Variants in PIK3R4 observed in about 807,000 individuals in gnomAD.
PIK3R4 encodes the protein phosphoinositide-3-kinase regulatory subunit 4, also known as phosphoinositide 3-kinase regulatory subunit 4.
In PIK3R4, 46 loss-of-function variants were observed where a neutral mutation model predicts 136.5. That is an observed-to-expected ratio of 0.34 (90% CI 0.27 to 0.43). PIK3R4 has a LOEUF of 0.43. Ranked by LOEUF, PIK3R4 falls within the 20% of genes least tolerant of loss-of-function variation. The pLI is 1.00. For missense variants in PIK3R4, 1,331 were observed against 1,649.5 expected (o/e 0.81, Z 3.35); for synonymous variants, 557 against 566.7 (o/e 0.98, Z 0.24).
At chr3:130,695,807 C>G (rs1047577373) in intron 13 of PIK3R4, among the ~76,000 whole-genome samples, 3 of 152,184 alleles carry the variant, frequency 2.0e-5, no homozygotes, top group African/African-American at 7.2e-5. Context: ...TGGTACTATC[C>G]GAGGTTTGGG....
chr3:130,741,687 T>C (rs993295167), intron 2 of PIK3R4, among the ~76,000 whole-genome samples: 1 of 152,098 alleles, frequency 6.6e-6, no homozygotes, highest in Admixed American at 6.5e-5. Flanking sequence ...CTATAACACA[T>C]CACTAACCAA....
Position 130,723,442 on chromosome 3 carries a change from G to A in PIK3R4, c.1953C>T (p.Pro651=). The change falls in exon 7 of 20, where the codon CCC becomes CCT. Residue 651 remains proline (P), a synonymous_variant. Coordinates refer to ENST00000356763, the MANE Select transcript of PIK3R4 (RefSeq NM_014602.3). ...CMCQLGLLQK[P]HVYEFASDIA... ...TATCACTGGCAAATTCGTAAACATGGGGTTTTTGTAGCAGTCCTAACTGGC... is the reference window on the plus strand; with the variant it reads ...TATCACTGGCAAATTCGTAAACATGAGGTTTTTGTAGCAGTCCTAACTGGC... 2 of 1,603,562 alleles carry A rather than the reference G, an allele frequency of 1.2e-6. No homozygotes were observed. The highest frequency in any genetic ancestry group is 1.7e-6 in the Non-Finnish European group (2 of 1,176,110).
intron 13 of PIK3R4, among the ~76,000 whole-genome samples, chr3:130,694,568 T>C (rs1355347191): frequency 6.6e-6 from 1 of 152,128 alleles, no homozygotes; most frequent in Non-Finnish European, 1.5e-5. Flanking sequence ...TAAATTCATG[T>C]TTGGACTATT....
intron 13 of PIK3R4, among the ~76,000 whole-genome samples, chr3:130,692,323 CA>C (rs889826492): frequency 2.6e-5 from 4 of 152,032 alleles, no homozygotes; most frequent in African/African-American, 9.7e-5. Flanking sequence ...TATAAGAAAT[CA>C]AAAAATAAGC....
intron 1 of PIK3R4, 139 bp from the exon 2 acceptor site, chr3:130,745,403 T>C (rs1280478530): frequency 2.0e-6 from 1 of 501,240 alleles, no homozygotes; most frequent in Non-Finnish European, 3.4e-6. Context: ...TACCTAGCCT[T>C]CTGGGGCAGC....
chr3:130,687,068 T>TG (rs1240995369), intron 14 of PIK3R4, among the ~76,000 whole-genome samples: 6 of 79,964 alleles, frequency 7.5e-5, no homozygotes, highest in Admixed American at 3.4e-4. Flanking sequence ...GTTTCAGATT[T>TG]GGGTTTTTTT....
chr3:130,726,842 C>A (rs1576461385), intron 6 of PIK3R4, among the ~76,000 whole-genome samples: 1 of 150,470 alleles, frequency 6.6e-6, no homozygotes, highest in Admixed American at 6.6e-5. Context: ...CGACTTTTCC[C>A]GAGAAAAGAA....
intron 8 of PIK3R4, 132 bp from the exon 9 acceptor site, chr3:130,716,731 G>C: frequency 1.6e-6 from 1 of 627,662 alleles, no homozygotes; most frequent in Non-Finnish European, 2.7e-6. Context: ...ATCTGTAAGT[G>C]TGTAGAAGAA....
intron 15 of PIK3R4, among the ~76,000 whole-genome samples, chr3:130,685,511 A>C (rs1343946856): frequency 1.3e-5 from 2 of 152,206 alleles, no homozygotes; most frequent in African/African-American, 2.4e-5. Context: ...CAGCAGGTTG[A>C]CTCTGAAAAG....
At chr3:130,724,527 T>C (rs553960533) in intron 6 of PIK3R4, among the ~76,000 whole-genome samples, 1 of 152,200 alleles carries the variant, frequency 6.6e-6, no homozygotes, top group South Asian at 2.1e-4. Flanking sequence ...ATAAAAGACT[T>C]CATTGTGTTA....
At chr3:130,684,661 T>G (rs2066479381) in intron 15 of PIK3R4, among the ~76,000 whole-genome samples, 1 of 152,230 alleles carries the variant, frequency 6.6e-6, no homozygotes, top group African/African-American at 2.4e-5. Flanking sequence ...TGTTATTAAT[T>G]GCCGAAGGCA....
intron 13 of PIK3R4, among the ~76,000 whole-genome samples, chr3:130,697,810 T>C (rs2066554759): frequency 6.6e-6 from 1 of 152,240 alleles, no homozygotes; most frequent in African/African-American, 2.4e-5. Context: ...ACTTATGTTA[T>C]CTTTACTGGT....
intron 9 of PIK3R4, among the ~76,000 whole-genome samples, chr3:130,714,792 G>A (rs997019809): frequency 6.6e-6 from 1 of 152,078 alleles, no homozygotes; most frequent in Admixed American, 6.5e-5. Context: ...TCCTTTTTAT[G>A]GCTGCATAGT....
rs1480557430 is a variant in PIK3R4, at chr3:130,679,353, T to C, written c.4039A>G (p.Thr1347Ala). ...TTCACAATCCCATCTCTAGAAGCAG[T>C]TACGATGAAGCCCTGTGTGGTCTGG... ...TFQTTQGFIV[T>A]ASRDGIVKVW... Residue 1347 changes from threonine to alanine, a missense_variant, in exon 20 of 20, where the codon ACT becomes GCT. Around this residue, in one of 2 missense-constraint regions of PIK3R4, gnomAD observed 1,180 missense variants for 1,407.0 expected, o/e 0.84. Transcript: ENST00000356763. 4.3e-6 allele frequency: 7 copies of C among 1,610,978 alleles called. No individual in the cohort carries two copies. The highest frequency in any genetic ancestry group is 5.9e-6 in the Non-Finnish European group (7 of 1,178,058).
chr3:130,697,364 C>T lies in PIK3R4; in HGVS notation c.3098+6359G>A, dbSNP rs750209091. 3.9e-5 allele frequency among the ~76,000 whole-genome samples: 6 copies of T among 152,250 alleles called. No individual in the cohort carries two copies. The East Asian group carries it at 5.8e-4, about 15-fold the overall frequency. ...TTGGGATTACAGGCATGAGCCACTG[C>T]GCATGGCCTAGCTCTTTCTTAGGTA... On this transcript the variant is annotated intron_variant, in intron 13 of 19. Transcript: ENST00000356763.
In PIK3R4 at chr3:130,735,924, T is replaced by A; in HGVS notation, c.812A>T (p.His271Leu). Reference protein sequence around the residue: ...LSQLLAYRNGHFFPEQVLNKI... With the variant: ...LSQLLAYRNGLFFPEQVLNKI... ...ATTTAGCACTTGTTCAGGGAAAAAATGTCCATTTCTATAAGCCAAAAGTTG... is the reference window on the plus strand; with the variant it reads ...ATTTAGCACTTGTTCAGGGAAAAAAAGTCCATTTCTATAAGCCAAAAGTTG... Residue 271 changes from histidine to leucine, a missense_variant, in exon 3 of 20, where the codon CAT becomes CTT. His to Leu is a moderately conservative substitution (Grantham distance 99, BLOSUM62 -3). Coordinates refer to ENST00000356763, the MANE Select transcript of PIK3R4 (RefSeq NM_014602.3). The A allele has an allele frequency of 6.2e-7, 1 of 1,612,762 alleles. No homozygotes were observed. The highest frequency in any genetic ancestry group is 8.5e-7 in the Non-Finnish European group (1 of 1,179,354).
chr3:130,706,887 C>T (rs1431391458), intron 11 of PIK3R4, 61 bp downstream of exon 11: 4 of 1,408,314 alleles, frequency 2.8e-6, no homozygotes, highest in Non-Finnish European at 3.8e-6. Flanking sequence ...CTTTAAACAA[C>T]CAAAATAGCA....
At chr3:130,720,889 T>C (rs1021773763) in intron 7 of PIK3R4, among the ~76,000 whole-genome samples, 1 of 152,050 alleles carries the variant, frequency 6.6e-6, no homozygotes, top group Admixed American at 6.6e-5. Flanking sequence ...AAATAAATAC[T>C]AGCCAGGCGT....
In PIK3R4 at chr3:130,728,503, A is replaced by G; in HGVS notation, c.1767T>C (p.Asn589=). The change falls in exon 6 of 20, where the codon AAT becomes AAC. Residue 589 remains asparagine, a synonymous_variant. Transcript: ENST00000356763. ...AAAATGCTCCACGTAGATGCCAATC[A>G]TTCTTATCATTTAGGAAAGTAATCA... ...SHMITFLNDK[N]DWHLRGAFFD... 1 of 1,613,422 alleles carries G rather than the reference A, an allele frequency of 6.2e-7. No individual in the cohort carries two copies. The highest frequency in any genetic ancestry group is 1.3e-5 in the African/African-American group (1 of 75,008).
Sources: gnomAD v4.1 joint callset for allele counts (sites outside exome capture counted in the v4.1 genomes callset) on GRCh38, gnomAD v4.1.1 for gene constraint, gnomAD v4.1.1 regional missense constraint, MANE v1.5 for transcripts, NCBI Gene and HGNC (gene_info 2026-07-23, HGNC 2026-07-21) for gene names.